The following MTUS2 variants were observed in gnomAD, a reference collection of about 807,000 sequenced individuals.
MTUS2 encodes the protein microtubule-associated tumor suppressor candidate 2.
Under a neutral mutation model 114.1 loss-of-function variants are expected in MTUS2, and 40 were observed. The ratio of observed to expected loss-of-function variants is 0.35; its 90% CI spans 0.27 to 0.46. The LOEUF is 0.46. Among genes scored for constraint, MTUS2 ranks in the 20% least tolerant of loss-of-function variants. MTUS2 has a pLI of 1.00. For missense variants in MTUS2, 1,679 were observed against 1,705.4 expected, an observed-to-expected ratio of 0.98 and a Z score of 0.27; for synonymous variants, 688 against 672.0, an observed-to-expected ratio of 1.02 and a Z score of -0.37.
chr13:29,172,240 T>C (rs1276787150), intron 5 of MTUS2, among the ~76,000 whole-genome samples: 1 of 152,238 alleles, frequency 6.6e-6, no homozygotes, highest in African/African-American at 2.4e-5. Context: ...TCCCATCATT[T>C]TTAAAGCATG....
chr13:28,913,849 G>T (rs1264243661), intron 2 of MTUS2, among the ~76,000 whole-genome samples: 1 of 152,016 alleles, frequency 6.6e-6, no homozygotes, highest in African/African-American at 2.4e-5. Context: ...TCTTGTGAGG[G>T]TGTGTGTGTC....
chr13:29,312,421 G>A (rs1185268257), intron 6 of MTUS2, among the ~76,000 whole-genome samples: 2 of 152,204 alleles, frequency 1.3e-5, no homozygotes, highest in Non-Finnish European at 2.9e-5. Context: ...TTAAAAGGAT[G>A]AGGCAGGCTT....
In MTUS2 at chr13:28,925,361, T is replaced by C. The variant is rs558178792; in HGVS notation, c.-243+85511T>C. Reference sequence around the variant, plus strand: ...GTTTTATGTAGGACTAATATTTTCATTGAGTACATGAAAATGAATTTGATG... The same window carrying C: ...GTTTTATGTAGGACTAATATTTTCACTGAGTACATGAAAATGAATTTGATG... On this transcript the variant is annotated intron_variant, in intron 2 of 15. Transcript: ENST00000612955. Among the ~76,000 whole-genome samples the C allele has an allele frequency of 1.3e-3, 192 of 152,352 alleles. 1 individual carries two copies. Among genetic ancestry groups the C allele is most frequent in the African/African-American group, 4.4e-3 (184 of 41,582 alleles).
At chr13:29,092,003 G>A (rs1284839697) in intron 4 of MTUS2, among the ~76,000 whole-genome samples, 1 of 152,226 alleles carries the variant, frequency 6.6e-6, no homozygotes, top group Non-Finnish European at 1.5e-5. Flanking sequence ...ACCTGTTGTT[G>A]TAGCCACCCT....
At chr13:29,050,903 C>T (rs1228857740) in intron 4 of MTUS2, among the ~76,000 whole-genome samples, 3 of 152,036 alleles carry the variant, frequency 2.0e-5, no homozygotes, top group Non-Finnish European at 4.4e-5. Flanking sequence ...AGGAATAAAG[C>T]CAGTGTGGGT....
At chr13:29,262,704 G>C (rs1406065023) in intron 5 of MTUS2, among the ~76,000 whole-genome samples, 1 of 152,174 alleles carries the variant, frequency 6.6e-6, no homozygotes, top group Non-Finnish European at 1.5e-5. Flanking sequence ...GGGGAGGACT[G>C]TCAGTGTCAA....
chr13:29,262,448 T>C (rs1347250081), intron 5 of MTUS2, among the ~76,000 whole-genome samples: 1 of 152,016 alleles, frequency 6.6e-6, no homozygotes, highest in Admixed American at 6.5e-5. Flanking sequence ...TTTTGTCATA[T>C]ATTAAAGTGG....
At chr13:29,467,879 C>CTGAGGCAAGTGGATAGCT (rs1880000771) in intron 9 of MTUS2, among the ~76,000 whole-genome samples, 1 of 152,102 alleles carries the variant, frequency 6.6e-6, no homozygotes, top group Non-Finnish European at 1.5e-5. Flanking sequence ...CTTTGGGAGG[C>CTGAGGCAAGTGGATAGCT]TGAGGCAAGT....
chr13:29,474,697 C>T (rs1880562723), intron 9 of MTUS2, among the ~76,000 whole-genome samples: 1 of 152,096 alleles, frequency 6.6e-6, no homozygotes, highest in Non-Finnish European at 1.5e-5. Flanking sequence ...CCCATTGGCA[C>T]AGGATTCAAC....
Position 29,501,203 on chromosome 13 carries a change from G to C in MTUS2, c.3896+9G>C. 1.2e-6 allele frequency: 2 copies of C among 1,607,682 alleles called. No individual in the cohort carries two copies. The highest frequency in any genetic ancestry group is 1.7e-6 in the Non-Finnish European group (2 of 1,174,294). On this transcript the variant is annotated intron_variant, in intron 15 of 15. Coordinates refer to ENST00000612955, the MANE Select transcript of MTUS2 (RefSeq NM_001033602.4). The stretch of plus-strand genomic sequence containing the variant: ...AACACAGTTGTCACCAGGTAGGTGG[G>C]CTGGGTGTCACCTACAAAGTGACTT...
intron 8 of MTUS2, among the ~76,000 whole-genome samples, chr13:29,371,652 G>A (rs1347478613): frequency 1.3e-5 from 2 of 152,082 alleles, no homozygotes; most frequent in Non-Finnish European, 2.9e-5. Context: ...CCAAATAATA[G>A]AATGGATATG....
intron 5 of MTUS2, among the ~76,000 whole-genome samples, chr13:29,137,424 T>G (rs1734798790): frequency 6.6e-6 from 1 of 152,044 alleles, no homozygotes; most frequent in African/African-American, 2.4e-5. Context: ...GGCCATTATT[T>G]CTTCATATAT....
At chr13:29,234,928 T>C (rs1422223602) in intron 5 of MTUS2, among the ~76,000 whole-genome samples, 1 of 152,136 alleles carries the variant, frequency 6.6e-6, no homozygotes, top group Admixed American at 6.5e-5. Context: ...TTGTAAATAA[T>C]TTAAGTGGGA....
intron 4 of MTUS2, among the ~76,000 whole-genome samples, chr13:29,036,295 C>T (rs1887069255): frequency 6.6e-6 from 1 of 152,158 alleles, no homozygotes; most frequent in South Asian, 2.1e-4. Flanking sequence ...ACCTAAGACT[C>T]AAATTCAGAA....
chr13:29,324,732 G>T (rs755204072), intron 7 of MTUS2, 21 bp downstream of exon 7: 4 of 1,553,232 alleles, frequency 2.6e-6, no homozygotes, highest in Non-Finnish European at 3.5e-6. Flanking sequence ...AATATGATGT[G>T]TTCCTTGGGG....
chr13:29,326,104 T>TAAC (rs1241593311), intron 7 of MTUS2, among the ~76,000 whole-genome samples: 1 of 152,104 alleles, frequency 6.6e-6, no homozygotes, highest in Non-Finnish European at 1.5e-5. Context: ...TTCTAAAGGG[T>TAAC]AACACCTTGG....
intron 4 of MTUS2, among the ~76,000 whole-genome samples, chr13:29,098,308 T>G (rs1053767934): frequency 3.3e-5 from 5 of 152,210 alleles, no homozygotes; most frequent in African/African-American, 1.2e-4. Context: ...CCTGAAGGCG[T>G]GTATGATATT....
chr13:29,344,176 G>T (rs559683115), intron 7 of MTUS2, among the ~76,000 whole-genome samples: 8 of 152,164 alleles, frequency 5.3e-5, no homozygotes, highest in African/African-American at 1.9e-4. Flanking sequence ...TTTTTCTAGG[G>T]TATAGTGTAA....
At chr13:29,351,959 T>G (rs1869327026) in intron 7 of MTUS2, among the ~76,000 whole-genome samples, 1 of 152,090 alleles carries the variant, frequency 6.6e-6, no homozygotes, top group Admixed American at 6.5e-5. Context: ...CCTTAGCACT[T>G]TCATTTTACA....
Sources: gnomAD v4.1 joint callset for allele counts (sites outside exome capture counted in the v4.1 genomes callset) on GRCh38, gnomAD v4.1.1 for gene constraint, MANE v1.5 for transcripts, NCBI Gene and HGNC (gene_info 2026-07-23, HGNC 2026-07-21) for gene names.